The following GLMN variants were observed in gnomAD, a reference collection of about 807,000 sequenced individuals.
The protein encoded by GLMN is glomulin, FKBP associated protein, also known as glomulin.
GLMN carries 75 observed loss-of-function variants against 87.8 expected under a neutral mutation model. The ratio of observed to expected loss-of-function variants is 0.85; its 90% CI spans 0.71 to 1.04. GLMN has a LOEUF of 1.04. Ranked by LOEUF, GLMN falls within the 50% of genes least tolerant of loss-of-function variation. GLMN has a pLI of 0.00. For missense variants in GLMN, 588 were observed against 658.8 expected, an observed-to-expected ratio of 0.89 and a Z score of 1.18; for synonymous variants, 206 against 221.6, an observed-to-expected ratio of 0.93 and a Z score of 0.63.
At chr1:92,309,560 TACACATACAC>T in the GLMN span, among the ~76,000 whole-genome samples, 4 of 77,346 alleles carry the variant, frequency 5.2e-5, no homozygotes, top group African/African-American at 2.1e-4. Context: ...CACATACACA[TACACATACAC>T]ATATACATAT....
At chr1:92,363,410 C>A in the GLMN span, among the ~76,000 whole-genome samples, 11 of 152,136 alleles carry the variant, frequency 7.2e-5, no homozygotes, top group Non-Finnish European at 1.2e-4. Context: ...GAGAGAAATA[C>A]TACATCTTCT....
the GLMN span, among the ~76,000 whole-genome samples, chr1:92,352,463 C>T: frequency 6.6e-6 from 1 of 151,854 alleles, no homozygotes; most frequent in South Asian, 2.1e-4. Context: ...TTTTTAAAGC[C>T]TGCCTATCAC....
chr1:92,304,134 T>C, the GLMN span: 3 of 1,354,366 alleles, frequency 2.2e-6, no homozygotes. Flanking sequence ...AGCAAAATAC[T>C]TTGTTGTAAG....
At chr1:92,276,155 G>A (rs1027285628) in intron 7 of GLMN, among the ~76,000 whole-genome samples, 3 of 152,138 alleles carry the variant, frequency 2.0e-5, no homozygotes, top group African/African-American at 7.2e-5. Flanking sequence ...GAGCCTGGGA[G>A]GTTGAGGCTG....
the GLMN span, among the ~76,000 whole-genome samples, chr1:92,336,814 T>C: frequency 3.9e-5 from 6 of 152,006 alleles, no homozygotes; most frequent in African/African-American, 7.3e-5. Context: ...GGAAGAACTC[T>C]CCTCTGTGAA....
At chr1:92,266,292 T>C (rs907869419) in intron 13 of GLMN, 127 bp downstream of exon 13, 2 of 703,716 alleles carry the variant, frequency 2.8e-6, no homozygotes, top group Non-Finnish European at 5.3e-6. Context: ...ATTTATAATA[T>C]GGGTTCCAAC....
At chr1:92,248,581 A>C (rs999004784) in intron 16 of GLMN, among the ~76,000 whole-genome samples, 2 of 152,212 alleles carry the variant, frequency 1.3e-5, no homozygotes, top group African/African-American at 4.8e-5. Context: ...TATTTTAAAA[A>C]ATAGAGAAAA....
intron 7 of GLMN, among the ~76,000 whole-genome samples, chr1:92,285,887 G>A (rs1170620567): frequency 2.0e-5 from 3 of 152,054 alleles, no homozygotes; most frequent in African/African-American, 7.2e-5. Flanking sequence ...TACTATTGAT[G>A]CATAAAGCCA....
At chr1:92,361,131 A>G in the GLMN span, among the ~76,000 whole-genome samples, 2 of 150,696 alleles carry the variant, frequency 1.3e-5, no homozygotes, top group African/African-American at 4.9e-5. Context: ...ATATATATAT[A>G]CACACACATA....
intron 18 of GLMN, 31 bp downstream of exon 18, chr1:92,247,031 A>C (rs1230379167): frequency 2.6e-6 from 3 of 1,167,040 alleles, no homozygotes; most frequent in Non-Finnish European, 3.8e-6. Flanking sequence ...TCTAAAGAAG[A>C]AAAAGGAAAG....
intron 16 of GLMN, among the ~76,000 whole-genome samples, chr1:92,256,313 C>G (rs920305298): frequency 1.2e-4 from 19 of 152,042 alleles, no homozygotes; most frequent in African/African-American, 4.6e-4. Flanking sequence ...CAGCCGCATT[C>G]TACCAGAGGT....
chr1:92,313,414 T>C, the GLMN span, among the ~76,000 whole-genome samples: 1 of 151,410 alleles, frequency 6.6e-6, no homozygotes, highest in African/African-American at 2.4e-5. Context: ...AGGTACATTG[T>C]TAATAATCAG....
intron 16 of GLMN, among the ~76,000 whole-genome samples, chr1:92,250,344 T>C (rs1653297594): frequency 6.6e-6 from 1 of 152,200 alleles, no homozygotes. Flanking sequence ...GTATACTGTA[T>C]ATAACCTGCT....
At chr1:92,323,370 C>G in the GLMN span, 1 of 1,081,522 alleles carries the variant, frequency 9.2e-7, no homozygotes, top group Non-Finnish European at 1.3e-6. Context: ...CTATGGGGTA[C>G]TTTACTTTTC....
the GLMN span, among the ~76,000 whole-genome samples, chr1:92,359,156 G>A: frequency 6.6e-6 from 1 of 152,210 alleles, no homozygotes; most frequent in African/African-American, 2.4e-5. Context: ...GACAAATTAT[G>A]AGAAACACTA....
At chr1:92,299,078 C>T, upstream of GLMN, 1 of 1,505,848 alleles carries the variant, frequency 6.6e-7, no homozygotes, top group Non-Finnish European at 8.9e-7. Flanking sequence ...TCCCCCATGG[C>T]GGACTTCGCT....
In GLMN at chr1:92,271,350, A is replaced by C; in HGVS notation, c.923+115T>G. The C allele has an allele frequency of 3.8e-6, 3 of 796,412 alleles. No homozygotes were observed. In the South Asian group the frequency reaches 4.3e-5, roughly 11 times the overall value. The allele number at this position is 796,412 out of a possible 1,614,324, so 49.3% of individuals were successfully genotyped here. On this transcript the variant is annotated intron_variant, in intron 8 of 18. Coordinates refer to ENST00000370360, the MANE Select transcript of GLMN (RefSeq NM_053274.3). ...ATCATTCTTATTAAAAATAGCCTTTACTATTTATTTAAAATGTATTAGTGT... is the reference window on the plus strand; with the variant it reads ...ATCATTCTTATTAAAAATAGCCTTTCCTATTTATTTAAAATGTATTAGTGT...
rs1656043447 is a variant in GLMN at position 92,269,796 on chromosome 1, A to AAT, written c.924-22_924-21dup. On this transcript the variant is annotated intron_variant, in intron 8 of 18. Coordinates refer to ENST00000370360, the MANE Select transcript of GLMN (RefSeq NM_053274.3). ...AATGGGCTAAAATAGAAACAAAACA[A>AAT]ATATATATATTATACACACACACAG... 3 of 1,445,946 alleles carry AAT rather than the reference A, an allele frequency of 2.1e-6. No homozygotes were observed. The highest frequency in any genetic ancestry group is 1.9e-6 in the Non-Finnish European group (2 of 1,027,774). 89.6% of individuals were successfully genotyped at this position (1,445,946 alleles called of 1,614,324 possible).
In GLMN at chr1:92,297,400, G is replaced by A. The variant is rs754304667; in HGVS notation, c.165+4C>T. 7.4e-5 allele frequency: 119 copies of A among 1,608,210 alleles called. No homozygotes were observed. Among genetic ancestry groups the A allele is most frequent in the Non-Finnish European group, 9.3e-5 (109 of 1,176,448 alleles). On this transcript the variant is annotated splice_donor_region_variant and intron_variant, in intron 3 of 18. Coordinates refer to ENST00000370360, the MANE Select transcript of GLMN (RefSeq NM_053274.3). ...TGAAAAGTAAACACCAAGATTGTAC[G>A]CACCTTATTCTTTTCATTTTGAATA...
Sources: gnomAD v4.1 joint callset for allele counts (sites outside exome capture counted in the v4.1 genomes callset) on GRCh38, gnomAD v4.1.1 for gene constraint, MANE v1.5 for transcripts, NCBI Gene and HGNC (gene_info 2026-07-23, HGNC 2026-07-21) for gene names.